SGK1: variants seen among roughly 807,000 people sequenced by gnomAD.
The protein encoded by SGK1 is serum/glucocorticoid regulated kinase 1, also known as serine/threonine-protein kinase Sgk1.
A neutral mutation model predicts 64.2 loss-of-function variants in SGK1; 26 were observed. That is an observed-to-expected ratio of 0.40 (90% CI 0.30 to 0.56). SGK1 has a LOEUF of 0.56. Among genes scored for constraint, SGK1 ranks in the 20% least tolerant of loss-of-function variants. The pLI is 0.38. For missense variants in SGK1, 519 were observed against 645.6 expected, an observed-to-expected ratio of 0.80 and a Z score of 2.12; for synonymous variants, 265 against 239.7, an observed-to-expected ratio of 1.11 and a Z score of -0.98.
intron 2 of SGK1, among the ~76,000 whole-genome samples, chr6:134,259,136 AT>A (rs1345274662): frequency 1.3e-5 from 2 of 152,234 alleles, no homozygotes; most frequent in Non-Finnish European, 2.9e-5. Context: ...GTAAATCACA[AT>A]GTTGCTTTAA....
intron 1 of SGK1, among the ~76,000 whole-genome samples, chr6:134,276,876 AC>A (rs1449806856): frequency 4.6e-5 from 7 of 151,856 alleles, no homozygotes; most frequent in Non-Finnish European, 1.0e-4. Context: ...ACATGGTAAA[AC>A]CCCAACACTA....
intron 3 of SGK1, among the ~76,000 whole-genome samples, chr6:134,195,497 A>G (rs1241323796): frequency 6.6e-6 from 1 of 152,200 alleles, no homozygotes. Flanking sequence ...GGATCTGACA[A>G]ACTTTTCACT....
intron 3 of SGK1, among the ~76,000 whole-genome samples, chr6:134,186,419 T>G (rs1272270994): frequency 1.3e-5 from 2 of 152,166 alleles, no homozygotes; most frequent in East Asian, 3.9e-4. Flanking sequence ...AGTCAATAAA[T>G]GTGTTACATG....
intron 3 of SGK1, chr6:134,175,722 T>G (rs1775215038): frequency 8.7e-6 from 12 of 1,382,578 alleles, no homozygotes; most frequent in Non-Finnish European, 1.0e-5. Flanking sequence ...GACGTTTCCT[T>G]GAAGGAGCCG....
chr6:134,314,985 G>A (rs1314801740), intron 1 of SGK1, among the ~76,000 whole-genome samples: 2 of 152,142 alleles, frequency 1.3e-5, no homozygotes, highest in Non-Finnish European at 2.9e-5. Flanking sequence ...ATGTGTATGT[G>A]AAGTAAAAGT....
chr6:134,265,095 G>T (rs1406380287), intron 1 of SGK1, among the ~76,000 whole-genome samples: 1 of 152,154 alleles, frequency 6.6e-6, no homozygotes, highest in African/African-American at 2.4e-5. Context: ...AAAATATTTA[G>T]AACATAATTA....
chr6:134,203,202 C>T (rs1393653640), intron 3 of SGK1, among the ~76,000 whole-genome samples: 2 of 152,102 alleles, frequency 1.3e-5, no homozygotes, highest in Non-Finnish European at 2.9e-5. Flanking sequence ...AAGATTGTGC[C>T]ACTGCACCCC....
intron 2 of SGK1, among the ~76,000 whole-genome samples, chr6:134,220,648 T>C (rs1189710265): frequency 2.6e-5 from 4 of 152,210 alleles, no homozygotes; most frequent in Non-Finnish European, 4.4e-5. Context: ...AGTTTAGGGT[T>C]AGGGTTAGGG....
intron 2 of SGK1, among the ~76,000 whole-genome samples, chr6:134,249,044 T>C (rs1449314773): frequency 1.3e-5 from 2 of 152,180 alleles, no homozygotes; most frequent in African/African-American, 4.8e-5. Flanking sequence ...GCTCCTGAGT[T>C]AATATTATGC....
Position 134,250,657 on chromosome 6 carries a change from C to T in SGK1, c.285+11276G>A, listed in dbSNP as rs184126077. 1.2e-4 allele frequency among the ~76,000 whole-genome samples: 18 copies of T among 152,260 alleles called. No individual in the cohort carries two copies. In the East Asian group the frequency reaches 3.3e-3, roughly 28 times the overall value. The stretch of plus-strand genomic sequence containing the variant: ...AGGTGATATTAATGGTTTGTATTTC[C>T]CTTTTCTGTAGAAGATTTGTAAGAA... On this transcript the variant is annotated intron_variant, in intron 2 of 13. Coordinates refer to ENST00000367858, the MANE Select transcript of SGK1 (RefSeq NM_001143676.3).
At chr6:134,306,274 T>A (rs1474954187) in intron 1 of SGK1, among the ~76,000 whole-genome samples, 1 of 151,786 alleles carries the variant, frequency 6.6e-6, no homozygotes, top group Non-Finnish European at 1.5e-5. Context: ...AATACAAAAA[T>A]TAGCTGGGCA....
chr6:134,301,499 G>A (rs959534132), intron 1 of SGK1, among the ~76,000 whole-genome samples: 12 of 151,834 alleles, frequency 7.9e-5, no homozygotes, highest in East Asian at 3.9e-4. Flanking sequence ...TCCACAGGAA[G>A]GACCACCTTT....
At position 134,190,526 on chromosome 6, in the gene SGK1, T is replaced by A. The variant is rs539484413; in HGVS notation, c.362-15940A>T. 1.1e-3 allele frequency among the ~76,000 whole-genome samples: 166 copies of A among 152,212 alleles called. 1 individual carries two copies. The highest frequency in any genetic ancestry group is 3.8e-3 in the African/African-American group (159 of 41,546). On this transcript the variant is annotated intron_variant, in intron 3 of 13. Coordinates refer to ENST00000367858, the MANE Select transcript of SGK1 (RefSeq NM_001143676.3). ...GTCTTGAACTCCTGGCCTCAAGTAATCCACCCACCTCAGCCTCCCAAAGTA... is the reference window on the plus strand; with the variant it reads ...GTCTTGAACTCCTGGCCTCAAGTAAACCACCCACCTCAGCCTCCCAAAGTA...
chr6:134,302,317 C>A (rs1363782858), intron 1 of SGK1, among the ~76,000 whole-genome samples: 4 of 152,136 alleles, frequency 2.6e-5, no homozygotes, highest in African/African-American at 7.2e-5. Context: ...TGAGATCCTG[C>A]GCAAATGAAA....
At chr6:134,283,111 G>C (rs1439390637) in intron 1 of SGK1, 1 of 152,290 alleles carries the variant, frequency 6.6e-6, no homozygotes, top group Non-Finnish European at 1.5e-5. Context: ...AAGTGCAATG[G>C]TGTTTACAAC....
At chr6:134,244,974 C>T (rs921742800) in intron 2 of SGK1, among the ~76,000 whole-genome samples, 2 of 152,190 alleles carry the variant, frequency 1.3e-5, no homozygotes, top group African/African-American at 4.8e-5. Context: ...CGGGGTTTCG[C>T]CATGTTGGCC....
chr6:134,268,499 G>A (rs985779156), intron 1 of SGK1, among the ~76,000 whole-genome samples: 1 of 151,774 alleles, frequency 6.6e-6, no homozygotes, highest in Non-Finnish European at 1.5e-5. Context: ...GAGGCGGGCG[G>A]ATCACGAGGT....
In SGK1 at chr6:134,174,017, G is replaced by T. The variant is rs754411255; in HGVS notation, c.501C>A (p.Asn167Lys). 3 of 1,612,802 alleles carry T rather than the reference G, an allele frequency of 1.9e-6. No individual in the cohort carries two copies. Among genetic ancestry groups the T allele is most frequent in the Admixed American group, 3.3e-5 (2 of 59,716 alleles). Residue 167 changes from asparagine to lysine, a missense_variant, in exon 5 of 14, where the codon AAC becomes AAA. By Grantham distance (94) the Asn-to-Lys change is moderately conservative. This residue lies in a region of SGK1 where 241 missense variants were observed against 236.9 expected (regional missense o/e 1.02). Transcript: ENST00000367858. ...TACAAAAACTTACTGGAGGAGAAGG[G>T]TTGGCATTCATAAGCTCAGGCTCCT... is the stretch of plus-strand genomic sequence containing the variant. ...QPQEPELMNA[N>K]PSPPPSPSQQ...
At chr6:134,265,522 TACATATATATTTTATATAC>T (rs1562268917) in intron 1 of SGK1, among the ~76,000 whole-genome samples, 2 of 147,236 alleles carry the variant, frequency 1.4e-5, no homozygotes, top group Non-Finnish European at 3.0e-5. Context: ...ATTTTATATA[TACATATATATTTTATATAC>T]ACATATATAT....
Sources: gnomAD v4.1 joint callset for allele counts (sites outside exome capture counted in the v4.1 genomes callset) on GRCh38, gnomAD v4.1.1 for gene constraint, gnomAD v4.1.1 regional missense constraint, MANE v1.5 for transcripts, NCBI Gene and HGNC (gene_info 2026-07-23, HGNC 2026-07-21) for gene names.